Variants in EFNA5 observed in about 807,000 individuals in gnomAD.
The protein encoded by EFNA5 is ephrin-A5.
In EFNA5, 5 loss-of-function variants were observed where a neutral mutation model predicts 22.9. That is an observed-to-expected ratio of 0.22 (90% CI 0.11 to 0.46). The LOEUF (loss-of-function observed/expected upper bound fraction) is 0.46, where lower values mean the gene tolerates loss of function less well. Among genes scored for constraint, EFNA5 ranks in the 20% least tolerant of loss-of-function variants. The pLI is 0.99. For missense variants in EFNA5, 237 were observed against 293.3 expected, an observed-to-expected ratio of 0.81 and a Z score of 1.40; for synonymous variants, 113 against 112.2, an observed-to-expected ratio of 1.01 and a Z score of -0.04.
At chr5:107,442,779 CT>C (rs927394713) in intron 1 of EFNA5, among the ~76,000 whole-genome samples, 7 of 149,174 alleles carry the variant, frequency 4.7e-5, no homozygotes, top group Admixed American at 6.7e-5. Context: ...ACTCAGAAGA[CT>C]TTTTTTTTTC....
chr5:107,413,449 A>G (rs936951037), intron 2 of EFNA5, among the ~76,000 whole-genome samples: 1 of 152,200 alleles, frequency 6.6e-6, no homozygotes, highest in South Asian at 2.1e-4. Context: ...CAAAAGGCAC[A>G]GACAATGGGC....
chr5:107,573,716 G>A lies in EFNA5; in HGVS notation c.125+96773C>T, dbSNP rs532107533. On this transcript the variant is annotated intron_variant, in intron 1 of 4. Coordinates refer to ENST00000333274, the MANE Select transcript of EFNA5 (RefSeq NM_001962.3). The stretch of plus-strand genomic sequence containing the variant: ...GTGGGTTTCCATGCTATGGTTTAGA[G>A]AGTTCAACCCTTACCTATCAAAAGG... 2.0e-5 allele frequency among the ~76,000 whole-genome samples: 3 copies of A among 152,124 alleles called. No individual in the cohort carries two copies. In the East Asian group the frequency reaches 5.8e-4, roughly 29 times the overall value.
At chr5:107,591,951 A>AATATATATTATATATAATATATATT in intron 1 of EFNA5, among the ~76,000 whole-genome samples, 2 of 12,376 alleles carry the variant, frequency 1.6e-4, no homozygotes, top group South Asian at 6.7e-3. Flanking sequence ...TATTATATAT[A>AATATATATTATATATAATATATATT]ATATATAATA....
intron 1 of EFNA5, among the ~76,000 whole-genome samples, chr5:107,468,984 C>G (rs535049083): frequency 6.6e-6 from 1 of 152,272 alleles, no homozygotes; most frequent in Admixed American, 6.5e-5. Flanking sequence ...TTCTAGCACA[C>G]CTGGTAAAAT....
At chr5:107,426,732 T>A (rs1360709599) in intron 2 of EFNA5, among the ~76,000 whole-genome samples, 1 of 152,206 alleles carries the variant, frequency 6.6e-6, no homozygotes, top group South Asian at 2.1e-4. Context: ...CTCTTAATAA[T>A]TATCTTTTCT....
intron 1 of EFNA5, among the ~76,000 whole-genome samples, chr5:107,654,419 A>T (rs1315708706): frequency 6.6e-6 from 1 of 152,136 alleles, no homozygotes; most frequent in Admixed American, 6.6e-5. Context: ...TAAAATGATT[A>T]AGGCTATATA....
chr5:107,617,681 ATTC>A (rs1749951591), intron 1 of EFNA5, among the ~76,000 whole-genome samples: 1 of 152,216 alleles, frequency 6.6e-6, no homozygotes, highest in Non-Finnish European at 1.5e-5. Flanking sequence ...TATAAGTACT[ATTC>A]TTCTTTTCTA....
At chr5:107,458,938 T>C (rs1233578312) in intron 1 of EFNA5, among the ~76,000 whole-genome samples, 1 of 152,186 alleles carries the variant, frequency 6.6e-6, no homozygotes, top group African/African-American at 2.4e-5. Context: ...TTTTGTTTGT[T>C]GATTCTCTAT....
intron 1 of EFNA5, among the ~76,000 whole-genome samples, chr5:107,436,123 G>A (rs2112430599): frequency 6.6e-6 from 1 of 152,304 alleles, no homozygotes; most frequent in Non-Finnish European, 1.5e-5. Context: ...AGTCATGTCA[G>A]TCTGAATGAC....
chr5:107,518,085 C>A (rs980934094), intron 1 of EFNA5, among the ~76,000 whole-genome samples: 1 of 152,102 alleles, frequency 6.6e-6, no homozygotes, highest in Middle Eastern at 3.4e-3. Flanking sequence ...AATTAGCAAG[C>A]CCCAGAGACT....
At chr5:107,423,498 T>C (rs913182288) in intron 2 of EFNA5, among the ~76,000 whole-genome samples, 3 of 151,720 alleles carry the variant, frequency 2.0e-5, no homozygotes, top group Non-Finnish European at 4.4e-5. Context: ...TACCTCAGCC[T>C]CCCAAACAGC....
intron 1 of EFNA5, among the ~76,000 whole-genome samples, chr5:107,664,353 T>C (rs1044614052): frequency 3.4e-4 from 52 of 152,126 alleles, no homozygotes; most frequent in African/African-American, 1.2e-3. Flanking sequence ...GACTAAATTT[T>C]GAAAACATAA....
At chr5:107,448,713 C>T (rs1749462742) in intron 1 of EFNA5, among the ~76,000 whole-genome samples, 1 of 151,594 alleles carries the variant, frequency 6.6e-6, no homozygotes, top group South Asian at 2.1e-4. Context: ...GCCTGTAATC[C>T]CAGCTACTTG....
At position 107,591,882 on chromosome 5, in the gene EFNA5, A is replaced by T. The variant is rs10051535; in HGVS notation, c.125+78607T>A. On this transcript the variant is annotated intron_variant, in intron 1 of 4. Coordinates refer to ENST00000333274, the MANE Select transcript of EFNA5 (RefSeq NM_001962.3). Reference sequence around the variant, plus strand: ...ATAAAAAATATATATATAATATATAATATATATATTATATATAATATATAA... The same window carrying T: ...ATAAAAAATATATATATAATATATATTATATATATTATATATAATATATAA... Among the ~76,000 whole-genome samples the T allele has an allele frequency of 3.4e-3, 112 of 32,962 alleles. 10 individuals are homozygous for T. Among genetic ancestry groups the T allele is most frequent in the African/African-American group, 0.026 (98 of 3,814 alleles). The allele number at this position is 32,962 out of a possible 152,430, so 21.6% of individuals were successfully genotyped here.
chr5:107,453,023 C>T (rs1186855576), intron 1 of EFNA5, among the ~76,000 whole-genome samples: 1 of 151,830 alleles, frequency 6.6e-6, no homozygotes, highest in Admixed American at 6.6e-5. Flanking sequence ...AATAATAAGC[C>T]CTGCATTGTT....
rs1324283710 is a variant in EFNA5 at position 107,377,979 on chromosome 5, A to T, written c.*3276T>A. On this transcript the variant is annotated 3_prime_UTR_variant, in exon 5 of 5. Coordinates refer to ENST00000333274, the MANE Select transcript of EFNA5 (RefSeq NM_001962.3). ...AAGATTGGGTGGGCAATGACCACAC[A>T]TGAGTCCTGTATGGAGCAGTGTCTC... The T allele has an allele frequency of 6.6e-5, 10 of 152,156 alleles. No homozygotes were observed. The highest frequency in any genetic ancestry group is 2.0e-4 in the Admixed American group (3 of 15,278). The allele number at this position is 152,156 out of a possible 1,614,324, so 9.4% of individuals were successfully genotyped here. A position where few individuals can be genotyped will look rare whatever the true frequency, so the allele number is the denominator to read the frequency against.
chr5:107,504,004 A>G (rs1181520332), intron 1 of EFNA5, among the ~76,000 whole-genome samples: 5 of 152,160 alleles, frequency 3.3e-5, no homozygotes, highest in Non-Finnish European at 7.4e-5. Context: ...CATGACTTAA[A>G]ATCCCATTAT....
chr5:107,466,009 G>A (rs1749970408), intron 1 of EFNA5, among the ~76,000 whole-genome samples: 1 of 152,152 alleles, frequency 6.6e-6, no homozygotes, highest in Non-Finnish European at 1.5e-5. Context: ...ATAGGAGAAA[G>A]TCGGGAGCAG....
intron 2 of EFNA5, among the ~76,000 whole-genome samples, chr5:107,408,427 GCT>G (rs1748276551): frequency 6.6e-6 from 1 of 152,060 alleles, no homozygotes; most frequent in Non-Finnish European, 1.5e-5. Flanking sequence ...TTTTTAAAAT[GCT>G]CTAGGGCTAT....
Sources: gnomAD v4.1 joint callset for allele counts (sites outside exome capture counted in the v4.1 genomes callset) on GRCh38, gnomAD v4.1.1 for gene constraint, MANE v1.5 for transcripts, NCBI Gene and HGNC (gene_info 2026-07-23, HGNC 2026-07-21) for gene names.